DLG2: variants seen among roughly 807,000 people sequenced by gnomAD.
The protein encoded by DLG2 is disks large homolog 2.
Under a neutral mutation model 132.5 loss-of-function variants are expected in DLG2, and 45 were observed. The observed-to-expected ratio is 0.34, with a 90% CI of 0.27 to 0.44. The LOEUF is 0.44. Ranked by LOEUF, DLG2 falls within the 20% of genes least tolerant of loss-of-function variation. DLG2 has a pLI of 1.00. For missense variants in DLG2, 1,045 were observed against 1,196.9 expected (o/e 0.87, Z 1.87); for synonymous variants, 424 against 419.6 (o/e 1.01, Z -0.13).
At chr11:84,073,040 T>C (rs1361325048) in intron 10 of DLG2, among the ~76,000 whole-genome samples, 1 of 152,252 alleles carries the variant, frequency 6.6e-6, no homozygotes, top group Non-Finnish European at 1.5e-5. Context: ...ATTTGTGGTT[T>C]ATGACTTGAG....
intron 6 of DLG2, among the ~76,000 whole-genome samples, chr11:84,555,380 G>T (rs964119251): frequency 1.3e-5 from 2 of 152,076 alleles, no homozygotes; most frequent in African/African-American, 4.8e-5. Context: ...ATAGCTAAGA[G>T]GTAGAAGCAA....
chr11:85,096,608 C>T (rs2069831457), intron 6 of DLG2, among the ~76,000 whole-genome samples: 1 of 152,054 alleles, frequency 6.6e-6, no homozygotes, highest in Non-Finnish European at 1.5e-5. Context: ...TCAGCGAGAC[C>T]AAGAACCCAC....
rs536641006 is a variant in DLG2 at position 84,867,867 on chromosome 11, G to C, written c.357+243794C>G. Among the ~76,000 whole-genome samples, 103 of 152,232 alleles carry C rather than the reference G, an allele frequency of 6.8e-4. 1 individual carries two copies. Among genetic ancestry groups the C allele is most frequent in the Middle Eastern group, 6.8e-3 (2 of 292 alleles). On this transcript the variant is annotated intron_variant, in intron 6 of 27. Transcript: ENST00000376104. ...AGGCGGGTGGATCACGAAGTCAGGA[G>C]ATGGAGACCATCCTGGCCAACACGG...
chr11:84,139,042 T>C (rs2094724476), intron 9 of DLG2, among the ~76,000 whole-genome samples: 1 of 152,058 alleles, frequency 6.6e-6, no homozygotes, highest in South Asian at 2.1e-4. Flanking sequence ...TAAGAAAGAT[T>C]ATTTTTTCCT....
chr11:85,141,324 TTGAG>T, intron 5 of DLG2, among the ~76,000 whole-genome samples: 2 of 151,938 alleles, frequency 1.3e-5, no homozygotes, highest in Middle Eastern at 3.4e-3. Flanking sequence ...ATTAATAATG[TTGAG>T]TATTTTTCAT....
chr11:83,772,495 G>T (rs1187002904), intron 18 of DLG2, among the ~76,000 whole-genome samples: 1 of 145,646 alleles, frequency 6.9e-6, no homozygotes, highest in East Asian at 2.0e-4. Flanking sequence ...GAAGGAGAAG[G>T]GGGAGGGGAA....
rs189492586 is a variant in DLG2, at chr11:85,143,460, T to C, written c.282+11096A>G. On this transcript the variant is annotated intron_variant, in intron 5 of 27. Coordinates refer to ENST00000376104, the MANE Select transcript of DLG2 (RefSeq NM_001142699.3). ...GTTCTCAGTCTGGCTAAAAGTTTGT[T>C]GATTTACTAATTTTTGCTTGTTTTG... Among the ~76,000 whole-genome samples, 15 of 151,760 alleles carry C rather than the reference T, an allele frequency of 9.9e-5. No homozygotes were observed. The East Asian group carries it at 2.9e-3, about 29-fold the overall frequency.
chr11:85,044,771 C>T (rs771469530), intron 6 of DLG2, among the ~76,000 whole-genome samples: 4 of 152,018 alleles, frequency 2.6e-5, no homozygotes, highest in Non-Finnish European at 5.9e-5. Context: ...CCAACAAACA[C>T]TCATATTCCA....
At chr11:83,952,301 C>T (rs1024726733) in intron 14 of DLG2, among the ~76,000 whole-genome samples, 6 of 151,924 alleles carry the variant, frequency 3.9e-5, no homozygotes, top group Admixed American at 1.3e-4. Context: ...GAACTGAGAT[C>T]GAGCCACTGA....
Position 84,390,543 on chromosome 11 carries a change from C to T in DLG2, c.520-139252G>A, listed in dbSNP as rs147221210. ...AGGTCAGGAAAAACTGTATGAGTTT[C>T]GAATGGCAAGGAGACCGCAGGTGGT... is the stretch of plus-strand genomic sequence containing the variant. On this transcript the variant is annotated intron_variant, in intron 7 of 27. Transcript: ENST00000376104. Among the ~76,000 whole-genome samples, 3 of 152,026 alleles carry T rather than the reference C, an allele frequency of 2.0e-5. 1 individual carries two copies. The highest frequency in any genetic ancestry group is 1.3e-4 in the Admixed American group (2 of 15,250).
intron 5 of DLG2, among the ~76,000 whole-genome samples, chr11:85,125,267 C>T (rs1376944775): frequency 6.6e-6 from 1 of 152,154 alleles, no homozygotes; most frequent in Admixed American, 6.5e-5. Context: ...AGTCTCATAG[C>T]TCTTCATAGC....
chr11:85,155,697 CT>C (rs2077540460), intron 4 of DLG2, among the ~76,000 whole-genome samples: 1 of 152,090 alleles, frequency 6.6e-6, no homozygotes, highest in East Asian at 1.9e-4. Context: ...TGGTGAAACC[CT>C]ATCTCTACTA....
At chr11:85,021,221 T>A (rs2060035782) in intron 6 of DLG2, 1 of 1,252,322 alleles carries the variant, frequency 8.0e-7, no homozygotes, top group African/African-American at 1.5e-5. Flanking sequence ...CACTGACGTT[T>A]CGAGGGCACT....
chr11:84,553,090 C>A (rs1259498782), intron 6 of DLG2, among the ~76,000 whole-genome samples: 1 of 152,154 alleles, frequency 6.6e-6, no homozygotes, highest in East Asian at 1.9e-4. Context: ...AATGATGCTT[C>A]CCAAATCACA....
Position 84,207,081 on chromosome 11 carries a change from C to CTCTATATATATATA in DLG2, c.574-43571_574-43570insTATATATATATAGA, listed in dbSNP as rs148707321. ...TAAATCTCTCTCTCTCTCTCTCTCTCTATATATATATATGTATGTATATAT... is the reference window on the plus strand; with the variant it reads ...TAAATCTCTCTCTCTCTCTCTCTCTCTCTATATATATATATATATATATATATGTATGTATATAT... On this transcript the variant is annotated intron_variant, in intron 8 of 27. Coordinates refer to ENST00000376104, the MANE Select transcript of DLG2 (RefSeq NM_001142699.3). Among the ~76,000 whole-genome samples, 9 of 146,998 alleles carry CTCTATATATATATA rather than the reference C, an allele frequency of 6.1e-5. No homozygotes were observed. In the South Asian group the frequency reaches 1.9e-3, roughly 32 times the overall value.
At chr11:85,550,173 T>C (rs2076579224) in intron 3 of DLG2, among the ~76,000 whole-genome samples, 1 of 152,164 alleles carries the variant, frequency 6.6e-6, no homozygotes, top group African/African-American at 2.4e-5. Context: ...AGACAAGAGC[T>C]CAGGAGCCAC....
rs1035156717 is a variant in DLG2, at chr11:85,606,937, C to T, written c.-92-8149G>A. Among the ~76,000 whole-genome samples, 5 of 152,190 alleles carry T rather than the reference C, an allele frequency of 3.3e-5. No individual in the cohort carries two copies. The East Asian group carries it at 9.6e-4, about 29-fold the overall frequency. On this transcript the variant is annotated intron_variant, in intron 2 of 27. Coordinates refer to ENST00000376104, the MANE Select transcript of DLG2 (RefSeq NM_001142699.3). ...CATCAGAAGGAACAAACTCTGGACA[C>T]ACCATCTTTAAGAACTGTAACACTC...
intron 6 of DLG2, chr11:84,686,718 T>C (rs1014815785): frequency 2.0e-5 from 3 of 149,052 alleles, no homozygotes; most frequent in Non-Finnish European, 3.0e-5. Context: ...TAACAGTCGA[T>C]AGTGACTGCC....
intron 3 of DLG2, among the ~76,000 whole-genome samples, chr11:85,426,100 G>A (rs1223964987): frequency 1.2e-4 from 18 of 152,342 alleles, no homozygotes; most frequent in African/African-American, 2.9e-4. Flanking sequence ...AGGGGCGCCC[G>A]CCATTGCCGA....
Sources: gnomAD v4.1 joint callset for allele counts (sites outside exome capture counted in the v4.1 genomes callset) on GRCh38, gnomAD v4.1.1 for gene constraint, MANE v1.5 for transcripts, NCBI Gene and HGNC (gene_info 2026-07-23, HGNC 2026-07-21) for gene names.